The following HUWE1 variants were observed in gnomAD, a reference collection of about 807,000 sequenced individuals.
The protein encoded by HUWE1 is E3 ubiquitin-protein ligase HUWE1.
In HUWE1, 18 loss-of-function variants were observed where a neutral mutation model predicts 299.4. The ratio of observed to expected loss-of-function variants is 0.06; its 90% CI spans 0.04 to 0.09. The LOEUF is 0.09. Ranked by LOEUF, HUWE1 falls within the 10% of genes least tolerant of loss-of-function variation. The pLI is 1.00. For synonymous variants in HUWE1, 1,317 were observed against 1,286.1 expected, an observed-to-expected ratio of 1.02 and a Z score of -0.51; for missense variants, 1,832 against 3,462.3, an observed-to-expected ratio of 0.53 and a Z score of 11.82.
chrX:53,623,691 G>A (rs1391798877), intron 19 of HUWE1, among the ~76,000 whole-genome samples: 2 of 112,278 alleles, frequency 1.8e-5, no homozygotes, highest in Non-Finnish European at 3.8e-5. Context: ...AAATGCATTT[G>A]CAGATGACAA....
chrX:53,580,367 A>G (rs1343066113), intron 43 of HUWE1, among the ~76,000 whole-genome samples: 5 of 112,252 alleles, frequency 4.5e-5, no homozygotes, highest in Non-Finnish European at 9.4e-5. Context: ...ATTTTTGAAG[A>G]GTCTAGGCCA....
chrX:53,590,947 C>A (rs1407721283), intron 34 of HUWE1, 53 bp downstream of exon 34: 21 of 1,198,286 alleles, frequency 1.8e-5, no homozygotes, highest in Non-Finnish European at 2.3e-5. Context: ...GGAAAAAGGA[C>A]TTCAGCAGTC....
intron 25 of HUWE1, 67 bp downstream of exon 25, chrX:53,607,456 A>G (rs1393496317): frequency 5.0e-6 from 5 of 994,437 alleles, no homozygotes; most frequent in Non-Finnish European, 7.1e-6. Context: ...GTAAAAACAT[A>G]TATACAGAAG....
intron 21 of HUWE1, among the ~76,000 whole-genome samples, chrX:53,616,566 TCTCAATTATCTGGTCTCAAGTATA>T (rs2065813750): frequency 9.0e-6 from 1 of 111,380 alleles, no homozygotes; most frequent in African/African-American, 3.3e-5. Context: ...GCTAATAATC[TCTCAATTATCTGGTCTCAAGTATA>T]CTGAGTAAAA....
In HUWE1 at chrX:53,592,706, G is replaced by A. The variant is rs781799000; in HGVS notation, c.3742-78C>T. On this transcript the variant is annotated intron_variant, in intron 32 of 83. Coordinates refer to ENST00000262854, the MANE Select transcript of HUWE1 (RefSeq NM_031407.7). ...CAGAAGGATTAAGTTAAAGACCTAT[G>A]GAACAGTCCTTCCACAACTAGTACC... 121 of 725,226 alleles carry A rather than the reference G, an allele frequency of 1.7e-4. No individual in the cohort carries two copies. In the East Asian group the frequency reaches 3.8e-3, roughly 23 times the overall value. The allele number at this position is 725,226 out of a possible 1,213,427, so 59.8% of individuals were successfully genotyped here. A position where few individuals can be genotyped will look rare whatever the true frequency, so the allele number is the denominator to read the frequency against.
In HUWE1 at chrX:53,539,731, A is replaced by G; in HGVS notation, c.11558T>C (p.Leu3853Ser). 8.3e-7 allele frequency: 1 copy of G among 1,211,418 alleles called. No homozygotes were observed. Among genetic ancestry groups the G allele is most frequent in the Non-Finnish European group, 1.1e-6 (1 of 894,935 alleles). The part of the protein sequence containing the change: ...ELPLLSEQLS[L>S]DELWDMLGEC... ...CCCAAGCATGTCCCACAGCTCGTCC[A>G]AACTCAGCTGCTCGCTGAGCAGGGG... is the stretch of plus-strand genomic sequence containing the variant. Residue 3853 changes from leucine (L) to serine (S), a missense_variant, in exon 75 of 84, where the codon TTG becomes TCG. Around this residue, in one of 15 missense-constraint regions of HUWE1, gnomAD observed 129 missense variants for 439.4 expected, o/e 0.29. Coordinates refer to ENST00000262854, the MANE Select transcript of HUWE1 (RefSeq NM_031407.7).
intron 24 of HUWE1, among the ~76,000 whole-genome samples, 171 bp downstream of exon 24, chrX:53,608,681 A>G (rs781796624): frequency 8.9e-6 from 1 of 112,227 alleles, no homozygotes; most frequent in East Asian, 2.8e-4. Context: ...TGTGTTGGCT[A>G]ATTTCTGGCA....
chrX:53,547,947 G>A lies in HUWE1; in HGVS notation c.10362C>T (p.Leu3454=). ...CAATTGAGATGAGAGAAAGGAGTCT[G>A]AGGAGTTTCTCAGTTAAGAGAGAGC... ...RRSSLLTEKL[L]RLLSLISIAL... The change falls in exon 68 of 84, where the codon CTC becomes CTT. Residue 3454 remains leucine, a synonymous_variant. Coordinates refer to ENST00000262854, the MANE Select transcript of HUWE1 (RefSeq NM_031407.7). 2 of 1,211,238 alleles carry A rather than the reference G, an allele frequency of 1.7e-6. No individual in the cohort carries two copies. Among genetic ancestry groups the A allele is most frequent in the Non-Finnish European group, 2.2e-6 (2 of 895,141 alleles).
chrX:53,669,914 ATT>A (rs2069434204), intron 3 of HUWE1, among the ~76,000 whole-genome samples: 1 of 112,458 alleles, frequency 8.9e-6, no homozygotes, highest in Admixed American at 9.4e-5. Context: ...GTAAACTATT[ATT>A]TTGTTTCAAT....
chrX:53,538,697 T>TACAC lies in HUWE1; in HGVS notation c.11878+134_11878+137dup, dbSNP rs781962529. The stretch of plus-strand genomic sequence containing the variant: ...GTTTACGTGCACGGGTGTGTGTATG[T>TACAC]ACACACACACACACACACACACACA... On this transcript the variant is annotated intron_variant, in intron 76 of 83. Coordinates refer to ENST00000262854, the MANE Select transcript of HUWE1 (RefSeq NM_031407.7). 3.4e-4 allele frequency: 149 copies of TACAC among 434,554 alleles called. 1 individual carries two copies. The African/African-American group carries it at 3.7e-3, about 11-fold the overall frequency. The allele number at this position is 434,554 out of a possible 1,213,427, so 35.8% of individuals were successfully genotyped here.
rs2062147730 is a variant in HUWE1, at chrX:53,558,771, T to G, written c.8044A>C (p.Arg2682=). ...CGCCTTTCTTCCAGCTCCTCATCCC[T>G]CAGGAATTCCAGGTGATTGACAATG... ...VSIVNHLEFL[R]DEELEERREK... is the part of the protein sequence containing the mutation. Residue 2682 remains arginine (R), a synonymous_variant, in exon 59 of 84, where the codon AGG becomes CGG. Coordinates refer to ENST00000262854, the MANE Select transcript of HUWE1 (RefSeq NM_031407.7). 1.7e-6 allele frequency: 2 copies of G among 1,209,752 alleles called. No homozygotes were observed. Among genetic ancestry groups the G allele is most frequent in the Non-Finnish European group, 2.2e-6 (2 of 895,038 alleles).
At position 53,583,744 on chromosome X, in the gene HUWE1, G is replaced by C. The variant is rs1272139655; in HGVS notation, c.5334C>G (p.Thr1778=). The stretch of plus-strand genomic sequence containing the variant: ...GGGTGAGCCTCAGACAGAGACGAAG[G>C]GTGGCATGCAAAGTATCTGGGTCCA... ...VPVDPDTLHA[T]LRLCLRLTRD... is the part of the protein sequence containing the mutation. The change falls in exon 42 of 84, where the codon ACC becomes ACG. Residue 1778 remains threonine, a synonymous_variant. Transcript: ENST00000262854. The C allele has an allele frequency of 1.7e-6, 2 of 1,208,702 alleles. No homozygotes were observed. The highest frequency in any genetic ancestry group is 2.3e-4 in the Middle Eastern group (1 of 4,373).
In HUWE1 at chrX:53,534,537, C is replaced by T. The variant is rs1468115192; in HGVS notation, c.12810G>A (p.Lys4270=). The change falls in exon 82 of 84, where the codon AAG becomes AAA. Residue 4270 remains lysine, a synonymous_variant. Coordinates refer to ENST00000262854, the MANE Select transcript of HUWE1 (RefSeq NM_031407.7). The part of the protein sequence containing the change: ...DDLKSNTEYH[K]YQSNSIQIQW... ...TCACCTGAATAGAGTTGGACTGGTACTTGTGGTATTCAGTGTTGGATTTCA... is the reference window on the plus strand; with the variant it reads ...TCACCTGAATAGAGTTGGACTGGTATTTGTGGTATTCAGTGTTGGATTTCA... The T allele has an allele frequency of 1.7e-6, 2 of 1,207,323 alleles. No homozygotes were observed. Among genetic ancestry groups the T allele is most frequent in the Non-Finnish European group, 2.2e-6 (2 of 893,799 alleles).
chrX:53,575,296 A>G, intron 45 of HUWE1, 75 bp from the exon 46 acceptor site: 1 of 775,085 alleles, frequency 1.3e-6, no homozygotes, highest in Non-Finnish European at 2.0e-6. Context: ...ACTCCTTCCC[A>G]GGGCACTGGC....
intron 3 of HUWE1, among the ~76,000 whole-genome samples, chrX:53,671,261 T>TC (rs782521088): frequency 1.0e-3 from 112 of 111,300 alleles, no homozygotes; most frequent in African/African-American, 3.6e-3. Flanking sequence ...TATCACCTGT[T>TC]CCCCAAAAAC....
chrX:53,653,936 G>C, intron 4 of HUWE1, 127 bp downstream of exon 4: 3 of 500,787 alleles, frequency 6.0e-6, no homozygotes, highest in Non-Finnish European at 1.0e-5. Flanking sequence ...TTCTAGACAA[G>C]TTGTTGTTTT....
At chrX:53,631,755 G>A (rs2066891359) in intron 9 of HUWE1, 141 bp from the exon 10 acceptor site, 1 of 483,565 alleles carries the variant, frequency 2.1e-6, no homozygotes, top group Admixed American at 3.6e-5. Context: ...TAAAATCAAG[G>A]TAAATTGAGA....
intron 19 of HUWE1, among the ~76,000 whole-genome samples, chrX:53,622,042 C>A (rs1557012839): frequency 8.9e-6 from 1 of 112,042 alleles, no homozygotes; most frequent in African/African-American, 3.3e-5. Flanking sequence ...ATAGAAGAGC[C>A]AGAGGTCGGA....
chrX:53,593,199 G>C (rs1323741722), intron 32 of HUWE1, among the ~76,000 whole-genome samples, 165 bp downstream of exon 32: 1 of 112,546 alleles, frequency 8.9e-6, no homozygotes, highest in Non-Finnish European at 1.9e-5. Flanking sequence ...GTTTATCACG[G>C]AAAATTCTCA....
Sources: allele counts gnomAD v4.1 joint callset (sites outside exome capture counted in the v4.1 genomes callset), GRCh38; gene constraint gnomAD v4.1.1; regional missense constraint gnomAD v4.1.1; transcripts MANE v1.5; gene names NCBI Gene and HGNC (gene_info 2026-07-23, HGNC 2026-07-21).